The following DCLRE1C variants were observed in gnomAD, a reference collection of about 807,000 sequenced individuals.
DCLRE1C encodes DNA cross-link repair 1C.
In DCLRE1C, 47 loss-of-function variants were observed where a neutral mutation model predicts 61.4. The ratio of observed to expected loss-of-function variants is 0.77; its 90% CI spans 0.61 to 0.98. The LOEUF (loss-of-function observed/expected upper bound fraction) is 0.98. Ranked by LOEUF, DCLRE1C falls within the 50% of genes least tolerant of loss-of-function variation. The pLI is 0.00. For missense variants in DCLRE1C, 858 were observed against 816.0 expected (o/e 1.05, Z -0.63); for synonymous variants, 337 against 287.6 (o/e 1.17, Z -1.74).
At chr10:14,931,249 G>A (rs908148543) in intron 9 of DCLRE1C, among the ~76,000 whole-genome samples, 1 of 152,278 alleles carries the variant, frequency 6.6e-6, no homozygotes, top group African/African-American at 2.4e-5. Flanking sequence ...AAGAGAAGGA[G>A]GTTCTGTGTT....
In DCLRE1C at chr10:14,904,673, T is replaced by TA. The variant is rs1834247736; in HGVS notation, c.*3734dup. Among the ~76,000 whole-genome samples, 1 of 152,218 alleles carries TA rather than the reference T, an allele frequency of 6.6e-6. No individual in the cohort carries two copies. The highest frequency in any genetic ancestry group is 1.5e-5 in the Non-Finnish European group (1 of 68,036). ...GGCCTTTGGGATCTTAAGTACTACT[T>TA]ATGTTACCTTTGTTATTCAGATGCT... On this transcript the variant is annotated 3_prime_UTR_variant, in exon 14 of 14. Coordinates refer to ENST00000378278, the MANE Select transcript of DCLRE1C (RefSeq NM_001033855.3).
At chr10:14,901,590 C>T (rs1215330089), downstream of DCLRE1C, among the ~76,000 whole-genome samples, 1 of 150,912 alleles carries the variant, frequency 6.6e-6, no homozygotes, top group African/African-American at 2.4e-5. Flanking sequence ...CTGGCTCCTG[C>T]CTGTAATCCC....
chr10:14,928,394 A>T (rs1412135544), intron 9 of DCLRE1C, among the ~76,000 whole-genome samples: 1 of 152,214 alleles, frequency 6.6e-6, no homozygotes, highest in South Asian at 2.1e-4. Context: ...AAAAGGCTAG[A>T]CAAACGATCT....
At chr10:14,953,766 TG>T in intron 1 of DCLRE1C, 135 bp downstream of exon 1, 1 of 1,294,292 alleles carries the variant, frequency 7.7e-7, no homozygotes. Flanking sequence ...AGAGCCCGAC[TG>T]GGACAAGGCG....
intron 12 of DCLRE1C, chr10:14,920,408 C>T (rs1207434089): frequency 4.9e-6 from 5 of 1,012,390 alleles, no homozygotes; most frequent in Non-Finnish European, 5.9e-6. Flanking sequence ...TGCCAACTGC[C>T]TCCTCCTGGC....
rs41299712 is a variant in DCLRE1C at position 14,919,918 on chromosome 10, A to G, written c.1062-86T>C. The G allele has an allele frequency of 1.3e-4, 154 of 1,156,728 alleles. No individual in the cohort carries two copies. In the African/African-American group the frequency reaches 2.0e-3, roughly 15 times the overall value. 71.7% of individuals were successfully genotyped at this position (1,156,728 alleles called of 1,614,324 possible). ...ATTGATAGTATTACAAATTTTTTTG[A>G]TTTTGTTTTTTAATTTCTTGGATCC... On this transcript the variant is annotated intron_variant, in intron 12 of 13. Transcript: ENST00000378278.
At chr10:14,939,367 C>T (rs1479578673) in intron 4 of DCLRE1C, among the ~76,000 whole-genome samples, 1 of 151,498 alleles carries the variant, frequency 6.6e-6, no homozygotes, top group Non-Finnish European at 1.5e-5. Flanking sequence ...TCGCTTGAAC[C>T]CAGGAGGTGG....
chr10:14,919,957 A>G, intron 12 of DCLRE1C, 125 bp from the exon 13 acceptor site: 3 of 758,782 alleles, frequency 4.0e-6, no homozygotes, highest in Non-Finnish European at 6.8e-6. Context: ...TTTTTAACAA[A>G]ATCTTGACCA....
chr10:14,914,663 G>A (rs1313079894), intron 13 of DCLRE1C, among the ~76,000 whole-genome samples: 1 of 152,206 alleles, frequency 6.6e-6, no homozygotes, highest in Non-Finnish European at 1.5e-5. Flanking sequence ...AAAAGTACCA[G>A]GCCAGGTGTG....
chr10:14,901,700 G>T (rs941500480), downstream of DCLRE1C, among the ~76,000 whole-genome samples: 1 of 151,894 alleles, frequency 6.6e-6, no homozygotes, highest in African/African-American at 2.4e-5. Flanking sequence ...GCGTGGTGGC[G>T]TGTGCCTGTA....
chr10:14,913,349 T>A (rs1835620776), intron 13 of DCLRE1C, among the ~76,000 whole-genome samples: 1 of 152,240 alleles, frequency 6.6e-6, no homozygotes, highest in South Asian at 2.1e-4. Flanking sequence ...ATACTAACAG[T>A]CGTGGAATTG....
Position 14,934,434 on chromosome 10 carries a change from C to T in DCLRE1C, c.624G>A (p.Ala208=), listed in dbSNP as rs770874430. The stretch of plus-strand genomic sequence containing the variant: ...TGAACAGATATTCATAGCCATAAGC[C>T]GCTTTGCAGTTCAGCCACACAACAT... ...PYHVVWLNCK[A]AYGYEYLFTN... The change falls in exon 8 of 14, where the codon GCG becomes GCA. Residue 208 remains alanine, a synonymous_variant. Coordinates refer to ENST00000378278, the MANE Select transcript of DCLRE1C (RefSeq NM_001033855.3). 16 of 1,614,132 alleles carry T rather than the reference C, an allele frequency of 9.9e-6. No homozygotes were observed. Among genetic ancestry groups the T allele is most frequent in the South Asian group, 8.8e-5 (8 of 91,076 alleles).
At chr10:14,919,675 G>A (rs548992987) in intron 13 of DCLRE1C, 63 bp downstream of exon 13, 1 of 1,313,192 alleles carries the variant, frequency 7.6e-7, no homozygotes, top group Non-Finnish European at 1.1e-6. Context: ...CCAGACCCAA[G>A]CTCCCTGGAA....
intron 13 of DCLRE1C, among the ~76,000 whole-genome samples, chr10:14,917,852 G>T (rs983233488): frequency 6.6e-6 from 1 of 152,030 alleles, no homozygotes; most frequent in Non-Finnish European, 1.5e-5. Context: ...AATGAGTAAA[G>T]ATTTGAATAG....
chr10:14,923,487 T>C (rs1588987931), intron 11 of DCLRE1C: 1 of 229,196 alleles, frequency 4.4e-6, no homozygotes, highest in South Asian at 5.8e-5. Flanking sequence ...AACTATAATA[T>C]ACACAAAAAC....
intron 1 of DCLRE1C, among the ~76,000 whole-genome samples, chr10:14,949,597 G>T (rs1842162783): frequency 6.6e-6 from 1 of 152,240 alleles, no homozygotes; most frequent in Non-Finnish European, 1.5e-5. Context: ...TATCCACAAA[G>T]ACTTGCTCCA....
At chr10:14,929,474 T>G (rs1589028689) in intron 9 of DCLRE1C, among the ~76,000 whole-genome samples, 2 of 147,520 alleles carry the variant, frequency 1.4e-5, no homozygotes, top group East Asian at 4.0e-4. Context: ...GGATTCCATC[T>G]CTACAAAAAA....
intron 13 of DCLRE1C, among the ~76,000 whole-genome samples, chr10:14,910,628 T>C (rs1356008283): frequency 6.6e-6 from 1 of 152,292 alleles, no homozygotes; most frequent in Non-Finnish European, 1.5e-5. Flanking sequence ...TTTTGTATGA[T>C]CTCTAAGTTG....
In DCLRE1C at chr10:14,909,057, A is replaced by G. The variant is rs1275137414; in HGVS notation, c.1430T>C (p.Leu477Pro). Residue 477 changes from leucine (L) to proline (P), a missense_variant, in exon 14 of 14, where the codon CTT (leucine) becomes CCT (proline). Coordinates refer to ENST00000378278, the MANE Select transcript of DCLRE1C (RefSeq NM_001033855.3). ...ATCCCCATCAGCCTTTTGCAGGTGA[A>G]GTACAGAGCCCAGATCTCCTTGCAG... ...ASLQGDLGSV[L>P]HLQKADGDVP... 6.2e-7 allele frequency: 1 copy of G among 1,614,192 alleles called. No individual in the cohort carries two copies. The highest frequency in any genetic ancestry group is 1.1e-5 in the South Asian group (1 of 91,078).
Sources: gnomAD v4.1 joint callset for allele counts (sites outside exome capture counted in the v4.1 genomes callset) on GRCh38, gnomAD v4.1.1 for gene constraint, MANE v1.5 for transcripts, NCBI Gene and HGNC (gene_info 2026-07-23, HGNC 2026-07-21) for gene names.